The following ARHGAP24 variants were observed in gnomAD, a reference collection of about 807,000 sequenced individuals.
ARHGAP24 encodes the protein rho GTPase-activating protein 24.
Under a neutral mutation model 76.4 loss-of-function variants are expected in ARHGAP24, and 50 were observed. The ratio of observed to expected loss-of-function variants is 0.65; its 90% CI spans 0.52 to 0.83. The LOEUF (loss-of-function observed/expected upper bound fraction) is 0.83, where lower values mean the gene tolerates loss of function less well. Among genes scored for constraint, ARHGAP24 ranks in the 40% least tolerant of loss-of-function variants. ARHGAP24 has a pLI of 0.00. For missense variants in ARHGAP24, 930 were observed against 914.2 expected (o/e 1.02, Z -0.22); for synonymous variants, 345 against 323.3 (o/e 1.07, Z -0.72).
chr4:85,942,227 G>C lies in ARHGAP24; in HGVS notation c.553G>C (p.Glu185Gln). 6.2e-7 allele frequency: 1 copy of C among 1,614,100 alleles called. No homozygotes were observed. Among genetic ancestry groups the C allele is most frequent in the Non-Finnish European group, 8.5e-7 (1 of 1,180,006 alleles). Residue 185 changes from glutamate to glutamine, a missense_variant, in exon 5 of 10, where the codon GAG becomes CAG. Coordinates refer to ENST00000395184, the MANE Select transcript of ARHGAP24 (RefSeq NM_001025616.3). ...RLPGQANLVK[E>Q]LQDAFDCGEK... is the part of the protein sequence containing the mutation. ...GCCAGGCCAGGCTAATCTTGTTAAGGAGCTCCAAGATGCCTTTGACTGTGG... is the reference window on the plus strand; with the variant it reads ...GCCAGGCCAGGCTAATCTTGTTAAGCAGCTCCAAGATGCCTTTGACTGTGG...
chr4:85,804,711 T>C (rs533126983), intron 3 of ARHGAP24, among the ~76,000 whole-genome samples: 1 of 152,364 alleles, frequency 6.6e-6, no homozygotes, highest in Admixed American at 6.5e-5. Context: ...CAGGGCTTTA[T>C]ATTTTTCAAA....
chr4:85,564,407 C>CG (rs59660385), intron 1 of ARHGAP24, among the ~76,000 whole-genome samples: 8,784 of 130,512 alleles, frequency 0.067, 948 homozygotes, highest in African/African-American at 0.23. Flanking sequence ...GTGGGGGGAG[C>CG]GGGGGGGATA....
At chr4:85,790,002 T>C (rs1010347405) in intron 3 of ARHGAP24, among the ~76,000 whole-genome samples, 7 of 152,214 alleles carry the variant, frequency 4.6e-5, no homozygotes, top group African/African-American at 1.7e-4. Context: ...AATAAAGCTG[T>C]GTACATTACA....
intron 1 of ARHGAP24, among the ~76,000 whole-genome samples, chr4:85,568,198 A>G (rs1726923684): frequency 6.6e-6 from 1 of 151,326 alleles, no homozygotes; most frequent in African/African-American, 2.4e-5. Context: ...TTTAGAGGGA[A>G]TTTTTCAAAC....
intron 3 of ARHGAP24, among the ~76,000 whole-genome samples, chr4:85,785,473 G>C (rs559460979): frequency 4.6e-5 from 7 of 151,320 alleles, no homozygotes; most frequent in African/African-American, 1.7e-4. Context: ...TTCTGTTTTT[G>C]TTGTTGTTGT....
chr4:85,495,010 G>A (rs1404574391), intron 1 of ARHGAP24, among the ~76,000 whole-genome samples: 2 of 149,658 alleles, frequency 1.3e-5, no homozygotes, highest in African/African-American at 5.0e-5. Flanking sequence ...AGGTAGAATG[G>A]CATGAACCCG....
At chr4:85,699,977 T>C (rs1479594986) in intron 2 of ARHGAP24, among the ~76,000 whole-genome samples, 3 of 152,128 alleles carry the variant, frequency 2.0e-5, no homozygotes, top group Non-Finnish European at 4.4e-5. Flanking sequence ...AAATTAATAA[T>C]ATTAAGGAAA....
chr4:85,724,489 GTGTATATATA>G lies in ARHGAP24; in HGVS notation c.268+2519_268+2528del, dbSNP rs58386424. On this transcript the variant is annotated intron_variant, in intron 3 of 9. Coordinates refer to ENST00000395184, the MANE Select transcript of ARHGAP24 (RefSeq NM_001025616.3). ...GTATGTCCTTATAATTTTTCCATGT[GTGTATATATA>G]TATATATATATATATATATATATAT... Among the ~76,000 whole-genome samples, 1,298 of 131,428 alleles carry G rather than the reference GTGTATATATA, an allele frequency of 9.9e-3. 34 individuals carry two copies. The highest frequency in any genetic ancestry group is 0.034 in the African/African-American group (1,117 of 33,298). 86.2% of individuals were successfully genotyped at this position (131,428 alleles called of 152,430 possible).
At chr4:85,902,907 A>G (rs1019856541) in intron 3 of ARHGAP24, among the ~76,000 whole-genome samples, 1 of 152,236 alleles carries the variant, frequency 6.6e-6, no homozygotes, top group Non-Finnish European at 1.5e-5. Flanking sequence ...CCCGGCCACA[A>G]GATGCAACCA....
intron 3 of ARHGAP24, among the ~76,000 whole-genome samples, chr4:85,772,429 CTT>C (rs900123408): frequency 2.3e-4 from 35 of 152,308 alleles, no homozygotes; most frequent in African/African-American, 7.5e-4. Flanking sequence ...GGCATTTTCT[CTT>C]GTTTGAGCTG....
At chr4:85,820,052 A>G (rs112274615) in intron 3 of ARHGAP24, among the ~76,000 whole-genome samples, 1 of 152,228 alleles carries the variant, frequency 6.6e-6, no homozygotes, top group East Asian at 1.9e-4. Flanking sequence ...GACTATTACA[A>G]CAATTGTGAA....
At chr4:85,929,063 A>G (rs1736174945) in intron 4 of ARHGAP24, among the ~76,000 whole-genome samples, 1 of 152,164 alleles carries the variant, frequency 6.6e-6, no homozygotes, top group South Asian at 2.1e-4. Flanking sequence ...AGAAGAAAAA[A>G]ATGCTTTCAC....
Position 86,001,186 on chromosome 4 carries a change from T to C in ARHGAP24, c.*464T>C. 1 of 395,106 alleles carries C rather than the reference T, an allele frequency of 2.5e-6. No homozygotes were observed. The highest frequency in any genetic ancestry group is 4.5e-6 in the Non-Finnish European group (1 of 224,472). The allele number at this position is 395,106 out of a possible 1,614,324, so 24.5% of individuals were successfully genotyped here. ...ATGAAGATAAGCAAAAATATAAATA[T>C]ATATATAAATATATGAGTTATTAAA... On this transcript the variant is annotated 3_prime_UTR_variant, in exon 10 of 10. Transcript: ENST00000395184.
chr4:85,894,261 C>T (rs1734011469), intron 3 of ARHGAP24, among the ~76,000 whole-genome samples: 8 of 152,106 alleles, frequency 5.3e-5, no homozygotes, highest in Admixed American at 5.2e-4. Context: ...GGAACCTTCA[C>T]ACCAGGGTTA....
chr4:85,753,239 A>G (rs115495845), intron 3 of ARHGAP24, among the ~76,000 whole-genome samples: 6,979 of 152,194 alleles, frequency 0.046, 233 homozygotes, highest in Non-Finnish European at 0.066. Context: ...AATGGTAGGA[A>G]CTTTGTAAGT....
At chr4:85,922,020 A>G (rs1328836872) in intron 3 of ARHGAP24, among the ~76,000 whole-genome samples, 1 of 152,202 alleles carries the variant, frequency 6.6e-6, no homozygotes, top group Non-Finnish European at 1.5e-5. Flanking sequence ...CTAGACATGT[A>G]AAAGAATCAC....
rs148295044 is a variant in ARHGAP24, at chr4:85,689,918, A to G, written c.181-31967A>G. Among the ~76,000 whole-genome samples, 814 of 149,896 alleles carry G rather than the reference A, an allele frequency of 5.4e-3. 7 individuals carry two copies. Among genetic ancestry groups the G allele is most frequent in the African/African-American group, 0.019 (770 of 40,060 alleles). On this transcript the variant is annotated intron_variant, in intron 2 of 9. Transcript: ENST00000395184. The stretch of plus-strand genomic sequence containing the variant: ...GTACTGTGTTGAATAGGAATGGTGA[A>G]AGTGGTCATCTTTGTCTTGTTCCAC...
rs143575137 is a variant in ARHGAP24 at position 85,860,616 on chromosome 4, G to C, written c.269-63032G>C. On this transcript the variant is annotated intron_variant, in intron 3 of 9. Transcript: ENST00000395184. Reference sequence around the variant, plus strand: ...GGCATTAAAAATAACTGAAATTCCTGAGGATGGGACGACCGTGAAATGATG... The same window carrying C: ...GGCATTAAAAATAACTGAAATTCCTCAGGATGGGACGACCGTGAAATGATG... Among the ~76,000 whole-genome samples the C allele has an allele frequency of 2.5e-3, 374 of 152,118 alleles. 2 individuals carry two copies. Among genetic ancestry groups the C allele is most frequent in the African/African-American group, 8.6e-3 (359 of 41,522 alleles).
chr4:85,891,205 C>A (rs912329963), intron 3 of ARHGAP24, among the ~76,000 whole-genome samples: 1 of 152,130 alleles, frequency 6.6e-6, no homozygotes, highest in Admixed American at 6.5e-5. Flanking sequence ...AAATTTCAAA[C>A]AAGATTTCAG....
Sources: allele counts gnomAD v4.1 joint callset (sites outside exome capture counted in the v4.1 genomes callset), GRCh38; gene constraint gnomAD v4.1.1; transcripts MANE v1.5; gene names NCBI Gene and HGNC (gene_info 2026-07-23, HGNC 2026-07-21).